OSBPL7: variants seen among roughly 807,000 people sequenced by gnomAD.
OSBPL7 encodes oxysterol binding protein like 7, also known as oxysterol-binding protein-related protein 7.
Under a neutral mutation model 115.8 loss-of-function variants are expected in OSBPL7, and 66 were observed. That is an observed-to-expected ratio of 0.57 (90% confidence interval 0.47 to 0.70). The LOEUF is 0.70. Ranked by LOEUF, OSBPL7 falls within the 30% of genes least tolerant of loss-of-function variation. OSBPL7 has a pLI of 0.00. For synonymous variants in OSBPL7, 441 were observed against 439.2 expected, an observed-to-expected ratio of 1.00 and a Z score of -0.05; for missense variants, 902 against 1,125.5, an observed-to-expected ratio of 0.80 and a Z score of 2.84.
chr17:47,809,656 C>T (rs889549740), intron 18 of OSBPL7, among the ~76,000 whole-genome samples, 178 bp from the exon 19 acceptor site: 6 of 152,130 alleles, frequency 3.9e-5, no homozygotes, highest in Admixed American at 3.3e-4. Context: ...CTTCACAGAA[C>T]GTATTCAACG....
Position 47,816,968 on chromosome 17 carries a change from T to G in OSBPL7, c.703-96A>C. ...GAGAGGTAGACGGCCTCCTGCGCCA[T>G]GGAGGAGGGCGCAGATTACCCAGCA... On this transcript the variant is annotated intron_variant, in intron 8 of 22. Transcript: ENST00000007414. This position sits in a 1 kb window ranked among gnomAD's most constrained non-coding sequence, Gnocchi z 5.8. The G allele has an allele frequency of 8.3e-7, 1 of 1,204,742 alleles. No homozygotes were observed. The highest frequency in any genetic ancestry group is 1.2e-6 in the Non-Finnish European group (1 of 813,522). 74.6% of individuals were successfully genotyped at this position (1,204,742 alleles called of 1,614,324 possible).
At chr17:47,815,400 G>A (rs1453309035) in intron 12 of OSBPL7, 48 bp from the exon 13 acceptor site, 15 of 1,606,766 alleles carry the variant, frequency 9.3e-6, no homozygotes, top group Non-Finnish European at 1.3e-5. Flanking sequence ...CAAGCCGGGG[G>A]GATCAAGCAG....
At chr17:47,819,912 GCCCCCCATTCCCACCCC>G in intron 3 of OSBPL7, 42 bp downstream of exon 3, 10 of 1,485,350 alleles carry the variant, frequency 6.7e-6, no homozygotes, top group Non-Finnish European at 9.3e-6. Flanking sequence ...CCCAGCAGCT[GCCCCCCATTCCCACCCC>G]GCCCCCCATG....
intron 16 of OSBPL7, among the ~76,000 whole-genome samples, chr17:47,811,037 C>T (rs905499060): frequency 9.9e-5 from 15 of 152,058 alleles, no homozygotes; most frequent in African/African-American, 3.4e-4. Flanking sequence ...CCTTCTCACT[C>T]GCTCTTCCTC....
chr17:47,815,385 G>A (rs556483129), intron 12 of OSBPL7, 33 bp from the exon 13 acceptor site: 35 of 1,611,538 alleles, frequency 2.2e-5, no homozygotes, highest in South Asian at 4.4e-5. Flanking sequence ...GTCAGGCTCC[G>A]GGGCCAAGCC....
chr17:47,815,832 C>T, intron 12 of OSBPL7: 1 of 391,514 alleles, frequency 2.6e-6, no homozygotes, highest in East Asian at 4.8e-5. Context: ...AGCCTGAGCC[C>T]ACCCATTAGA....
chr17:47,813,651 T>A lies in OSBPL7; in HGVS notation c.1535A>T (p.Glu512Val). 1.2e-6 allele frequency: 2 copies of A among 1,613,158 alleles called. No individual in the cohort carries two copies. Among genetic ancestry groups the A allele is most frequent in the Non-Finnish European group, 1.7e-6 (2 of 1,180,012 alleles). Reference protein sequence around the residue: ...EPLNTLQRLCEELEYSSLLDQ... With the variant: ...EPLNTLQRLCVELEYSSLLDQ... The stretch of plus-strand genomic sequence containing the variant: ...CAGGAGGCTGCTGTACTCCAGCTCC[T>A]CGCAGAGCCGCTGCAGAGTGTTGAG... Residue 512 changes from glutamate to valine, a missense_variant, in exon 15 of 23, where the codon GAG (glutamate) becomes GTG (valine). By Grantham distance (121) the Glu-to-Val change is moderately radical. This residue lies in a region of OSBPL7 where 667 missense variants were observed against 788.7 expected (regional missense o/e 0.85). Coordinates refer to ENST00000007414, the MANE Select transcript of OSBPL7 (RefSeq NM_145798.3).
At position 47,810,880 on chromosome 17, in the gene OSBPL7, T is replaced by A. The variant is rs773882212; in HGVS notation, c.1738-45A>T. On this transcript the variant is annotated intron_variant, in intron 16 of 22. Transcript: ENST00000007414. ...ATCTTGAGGCTGTCCCCGAGCACCATTAGGCTACCCCAAAGTCCCTTATTC... is the reference window on the plus strand; with the variant it reads ...ATCTTGAGGCTGTCCCCGAGCACCAATAGGCTACCCCAAAGTCCCTTATTC... 7 of 1,588,600 alleles carry A rather than the reference T, an allele frequency of 4.4e-6. No individual in the cohort carries two copies. The East Asian group carries it at 1.4e-4, about 31-fold the overall frequency.
chr17:47,819,902 C>G, intron 3 of OSBPL7, 69 bp downstream of exon 3: 1 of 1,602,840 alleles, frequency 6.2e-7, no homozygotes, highest in Non-Finnish European at 8.5e-7. Context: ...CATTGGACTG[C>G]CCAGCAGCTG....
chr17:47,815,760 A>C, intron 12 of OSBPL7: 1 of 317,370 alleles, frequency 3.2e-6, no homozygotes, highest in Non-Finnish European at 5.8e-6. Context: ...AACCCGTGGA[A>C]CGTAGCCCCA....
rs147063628 is a variant in OSBPL7, at chr17:47,817,570, T to C, written c.599-211A>G. ...ATGCCTGGCTAATTTGTTGTATTTT[T>C]AGTAGAGATGGGGTTCCACTATGTT... is the stretch of plus-strand genomic sequence containing the variant. On this transcript the variant is annotated intron_variant, in intron 7 of 22. Coordinates refer to ENST00000007414, the MANE Select transcript of OSBPL7 (RefSeq NM_145798.3). 2.6e-4 allele frequency among the ~76,000 whole-genome samples: 40 copies of C among 152,192 alleles called. No individual in the cohort carries two copies. In the East Asian group the frequency reaches 7.2e-3, roughly 27 times the overall value.
At position 47,813,669 on chromosome 17, in the gene OSBPL7, G is replaced by C. The variant is rs141526733; in HGVS notation, c.1517C>G (p.Thr506Ser). ...MPVQLNEPLNTLQRLCEELEY... is the reference protein window; with the variant it reads ...MPVQLNEPLNSLQRLCEELEY... ...CAGCTCCTCGCAGAGCCGCTGCAGA[G>C]TGTTGAGCGGCTCGTTGAGCTGCAC... Residue 506 changes from threonine (T) to serine (S), a missense_variant, in exon 15 of 23, where the codon ACT (threonine) becomes AGT (serine). This residue lies in a region of OSBPL7 where 667 missense variants were observed against 788.7 expected (regional missense o/e 0.85). Transcript: ENST00000007414. 1.6e-4 allele frequency: 251 copies of C among 1,613,394 alleles called. 1 individual carries two copies. In the African/African-American group the frequency reaches 2.9e-3, roughly 18 times the overall value.
chr17:47,809,122 C>T lies in OSBPL7; in HGVS notation c.2124G>A (p.Gly708=). 6.2e-7 allele frequency: 1 copy of T among 1,614,162 alleles called. No individual in the cohort carries two copies. Among genetic ancestry groups the T allele is most frequent in the Non-Finnish European group, 8.5e-7 (1 of 1,180,048 alleles). Residue 708 remains glycine, a synonymous_variant, in exon 20 of 23, where the codon GGG becomes GGA. Transcript: ENST00000007414. ...LHRLFGKWHE[G]LYRGPTPGGQ... is the part of the protein sequence containing the mutation. ...CACCTGGCGTGGGTCCCCGGTACAG[C>T]CCCTCGTGCCACTTCCCAAAGAGTC...
rs1012524670 is a variant in OSBPL7 at position 47,813,301 on chromosome 17, G to A, written c.1702C>T (p.Arg568Trp). Residue 568 changes from arginine to tryptophan, a missense_variant, in exon 16 of 23, where the codon CGG becomes TGG. Physicochemically the swap from Arg to Trp is moderately radical, Grantham distance 101. This residue lies in a region of OSBPL7 where 667 missense variants were observed against 788.7 expected (regional missense o/e 0.85). Transcript: ENST00000007414. ...ATGAAGCGGAAGCCTCGGTCAGGCC[G>A]CTCACACTCGTAGGTCTCCCCCAGG... ...PVLGETYECE[R>W]PDRGFRFISE... 1 of 1,614,030 alleles carries A rather than the reference G, an allele frequency of 6.2e-7. No individual in the cohort carries two copies. The highest frequency in any genetic ancestry group is 1.7e-5 in the Admixed American group (1 of 60,024).
rs2032903600 is a variant in OSBPL7 at position 47,807,848 on chromosome 17, A to G, written c.*443T>C. The G allele has an allele frequency of 5.8e-6, 1 of 173,204 alleles. No homozygotes were observed. Among genetic ancestry groups the G allele is most frequent in the Admixed American group, 5.5e-5 (1 of 18,050 alleles). The allele number at this position is 173,204 out of a possible 1,614,324, so 10.7% of individuals were successfully genotyped here. ...GGAGATGGGCAGAAGGGGAGGGAGAACAGATCACCTCCTCTCCTTCACTCA... is the reference window on the plus strand; with the variant it reads ...GGAGATGGGCAGAAGGGGAGGGAGAGCAGATCACCTCCTCTCCTTCACTCA... On this transcript the variant is annotated 3_prime_UTR_variant, in exon 23 of 23. Coordinates refer to ENST00000007414, the MANE Select transcript of OSBPL7 (RefSeq NM_145798.3).
rs765409915 is a variant in OSBPL7 at position 47,818,293 on chromosome 17, C to T, written c.574G>A (p.Asp192Asn). The T allele has an allele frequency of 5.6e-6, 9 of 1,613,902 alleles. No homozygotes were observed. Among genetic ancestry groups the T allele is most frequent in the Admixed American group, 3.3e-5 (2 of 59,998 alleles). The change falls in exon 7 of 23, where the codon GAT (aspartate) becomes AAT (asparagine). Residue 192 changes from aspartate (D) to asparagine (N), a missense_variant. Transcript: ENST00000007414. ...CCATGAGAGCAGCGGTCCAGCCCAT[C>T]ACTGTCCCTCAGCCAGGAAGACACT... ...EKVSSWLRDS[D>N]GLDRCSHELS...
At chr17:47,812,487 G>A (rs2033075494) in intron 16 of OSBPL7, among the ~76,000 whole-genome samples, 2 of 150,136 alleles carry the variant, frequency 1.3e-5, no homozygotes, top group South Asian at 2.1e-4. Flanking sequence ...CCCACATAGT[G>A]TGTTCCCACA....
At chr17:47,814,865 C>T in intron 13 of OSBPL7, 1 of 573,270 alleles carries the variant, frequency 1.7e-6, no homozygotes. Flanking sequence ...TGATGGGACA[C>T]AGAGGGAAGG....
chr17:47,819,845 G>A, intron 3 of OSBPL7, 63 bp from the exon 4 acceptor site: 1 of 1,610,744 alleles, frequency 6.2e-7, no homozygotes, highest in Non-Finnish European at 8.5e-7. Context: ...GAGGGAGAAG[G>A]CAACCACACA....
Sources: allele counts gnomAD v4.1 joint callset (sites outside exome capture counted in the v4.1 genomes callset), GRCh38; gene constraint gnomAD v4.1.1; regional missense constraint gnomAD v4.1.1; non-coding constraint Gnocchi (gnomAD v3.1); transcripts MANE v1.5; gene names NCBI Gene and HGNC (gene_info 2026-07-23, HGNC 2026-07-21).